The following ELL2 variants were observed in gnomAD, a reference collection of about 807,000 sequenced individuals.
The protein encoded by ELL2 is elongation factor for RNA polymerase II 2.
ELL2 carries 21 observed loss-of-function variants against 72.8 expected under a neutral mutation model. That is an observed-to-expected ratio of 0.29 (90% CI 0.20 to 0.42). The LOEUF (loss-of-function observed/expected upper bound fraction) is 0.42, where lower values mean the gene tolerates loss of function less well. ELL2 is among the 10% of genes least tolerant of loss of function. The pLI, the probability that ELL2 is intolerant of heterozygous loss-of-function variation, is 1.00. For missense variants in ELL2, 568 were observed against 772.8 expected (o/e 0.73, Z 3.14); for synonymous variants, 266 against 283.2 (o/e 0.94, Z 0.61).
chr5:95,895,516 A>T (rs950169695), intron 9 of ELL2, 112 bp downstream of exon 9: 3 of 954,470 alleles, frequency 3.1e-6, no homozygotes, highest in Non-Finnish European at 4.9e-6. Context: ...GGGTGGCTCC[A>T]GGACTCTATT....
At chr5:95,937,497 C>A (rs1750819953) in intron 2 of ELL2, among the ~76,000 whole-genome samples, 1 of 137,372 alleles carries the variant, frequency 7.3e-6, no homozygotes, top group Non-Finnish European at 1.5e-5. Flanking sequence ...GAGCAAGACT[C>A]CGTCTCAAAA....
chr5:95,920,001 T>A (rs886774541), intron 2 of ELL2, among the ~76,000 whole-genome samples: 15 of 152,016 alleles, frequency 9.9e-5, no homozygotes, highest in African/African-American at 2.2e-4. Flanking sequence ...TTGGCTCTTA[T>A]AATAAAAAAA....
intron 4 of ELL2, among the ~76,000 whole-genome samples, chr5:95,911,928 C>T (rs1306194779): frequency 2.6e-5 from 4 of 152,216 alleles, no homozygotes; most frequent in South Asian, 4.1e-4. Flanking sequence ...TGGCCGAGAT[C>T]GATGCAAGCC....
At chr5:95,918,349 T>C (rs1749910844) in intron 3 of ELL2, among the ~76,000 whole-genome samples, 2 of 152,260 alleles carry the variant, frequency 1.3e-5, no homozygotes, top group African/African-American at 4.8e-5. Context: ...GAAAAGTCTA[T>C]ATAATCTACA....
At chr5:95,918,877 C>CTTTT (rs10644804) in intron 3 of ELL2, among the ~76,000 whole-genome samples, 4 of 142,718 alleles carry the variant, frequency 2.8e-5, no homozygotes, top group African/African-American at 2.6e-5. Context: ...CTTCCTCCTC[C>CTTTT]TTTTTTTTTT....
chr5:95,891,107 T>C lies in ELL2; in HGVS notation c.1757A>G (p.Tyr586Cys). 5 of 1,614,180 alleles carry C rather than the reference T, an allele frequency of 3.1e-6. No individual in the cohort carries two copies. The highest frequency in any genetic ancestry group is 1.7e-6 in the Non-Finnish European group (2 of 1,180,030). ...RKRLSPGSKE[Y>C]QNVHEEVLQE... ...TCTAGTTACAAATCCATTTACCTGA[T>C]ACTCTTTTGAGCCTGGAGAAAGGCG... Residue 586 changes from tyrosine (Y) to cysteine (C), a missense_variant, in exon 10 of 12, where the codon TAT becomes TGT. Transcript: ENST00000237853.
At chr5:95,951,380 A>AAAATAAATAAATAAATAAAT (rs566594776) in intron 1 of ELL2, among the ~76,000 whole-genome samples, 61 of 151,436 alleles carry the variant, frequency 4.0e-4, no homozygotes, top group African/African-American at 1.4e-3. Flanking sequence ...AAAATAAAAT[A>AAAATAAATAAATAAATAAAT]AAATAAATAA....
chr5:95,936,949 A>AT (rs1750797883), intron 2 of ELL2, among the ~76,000 whole-genome samples: 1 of 152,096 alleles, frequency 6.6e-6, no homozygotes, highest in African/African-American at 2.4e-5. Context: ...CAAATGGGCT[A>AT]TTTTACCTTG....
chr5:95,898,882 G>T, intron 7 of ELL2, 72 bp from the exon 8 acceptor site: 1 of 1,150,420 alleles, frequency 8.7e-7, no homozygotes, highest in Non-Finnish European at 1.2e-6. Flanking sequence ...ATGCATGGCT[G>T]GTTAAACAAC....
chr5:95,891,322 T>C (rs769628436), intron 9 of ELL2, 48 bp from the exon 10 acceptor site: 20 of 1,548,414 alleles, frequency 1.3e-5, no homozygotes, highest in East Asian at 4.5e-5. Flanking sequence ...ATAAACATGA[T>C]TGCACAAGTC....
chr5:95,918,278 T>G (rs1580503559), intron 3 of ELL2, among the ~76,000 whole-genome samples: 1 of 152,250 alleles, frequency 6.6e-6, no homozygotes, highest in East Asian at 1.9e-4. Context: ...TTTATTTAAT[T>G]TTTTATCAGT....
chr5:95,919,193 T>C (rs1480719576), intron 3 of ELL2, among the ~76,000 whole-genome samples: 1 of 152,194 alleles, frequency 6.6e-6, no homozygotes, highest in Admixed American at 6.6e-5. Context: ...TTCTGTACCT[T>C]AAAAGCCCCA....
chr5:95,924,904 A>T (rs1750230869), intron 2 of ELL2, among the ~76,000 whole-genome samples: 1 of 152,230 alleles, frequency 6.6e-6, no homozygotes, highest in Non-Finnish European at 1.5e-5. Context: ...AGGTCATTTC[A>T]ACATCAAGTC....
At chr5:95,949,378 T>TAAAA in intron 1 of ELL2, among the ~76,000 whole-genome samples, 1 of 152,234 alleles carries the variant, frequency 6.6e-6, no homozygotes, top group East Asian at 1.9e-4. Flanking sequence ...TGGTTACCTT[T>TAAAA]CCCTTATCAA....
At chr5:95,942,733 T>C (rs1231408276) in intron 2 of ELL2, among the ~76,000 whole-genome samples, 1 of 152,328 alleles carries the variant, frequency 6.6e-6, no homozygotes, top group Middle Eastern at 3.4e-3. Flanking sequence ...TACGTTATAC[T>C]TCAATAAAAA....
At chr5:95,920,564 A>T (rs1750019656) in intron 2 of ELL2, among the ~76,000 whole-genome samples, 1 of 151,794 alleles carries the variant, frequency 6.6e-6, no homozygotes, top group Non-Finnish European at 1.5e-5. Flanking sequence ...TCCCTACTAG[A>T]TGAGAAGTCC....
At chr5:95,918,399 G>C (rs569069894) in intron 3 of ELL2, among the ~76,000 whole-genome samples, 1 of 152,250 alleles carries the variant, frequency 6.6e-6, no homozygotes, top group South Asian at 2.1e-4. Flanking sequence ...TTTGAAGGTG[G>C]GTAATTTTCA....
Position 95,891,695 on chromosome 5 carries a change from C to T in ELL2, c.1590-421G>A, listed in dbSNP as rs114960063. The stretch of plus-strand genomic sequence containing the variant: ...GAAACCAGGAGAATGTCACGCAGTC[C>T]GTGAGTGCTGAAAGTCAAAGCTCTC... On this transcript the variant is annotated intron_variant, in intron 9 of 11. Coordinates refer to ENST00000237853, the MANE Select transcript of ELL2 (RefSeq NM_012081.6). 2.5e-3 allele frequency among the ~76,000 whole-genome samples: 381 copies of T among 152,264 alleles called. 5 individuals are homozygous for T. The highest frequency in any genetic ancestry group is 3.2e-3 in the Non-Finnish European group (218 of 68,010).
rs1322651790 is a variant in ELL2, at chr5:95,898,249, A to G, written c.1516T>C (p.Ser506Pro). The G allele has an allele frequency of 9.4e-6, 15 of 1,600,024 alleles. No individual in the cohort carries two copies. Among genetic ancestry groups the G allele is most frequent in the Non-Finnish European group, 1.3e-5 (15 of 1,175,598 alleles). ...TCTAAAGGTAAAATACCTCCACTGG[A>G]ATTTGGACTGGAGTTATTTAGCTTG... is the stretch of plus-strand genomic sequence containing the variant. ...IAKLNNSSPNSSGGVKEDCTA... is the reference protein window; with the variant it reads ...IAKLNNSSPNPSGGVKEDCTA... Residue 506 changes from serine to proline, a missense_variant, in exon 8 of 12, where the codon TCC becomes CCC. Around this residue, in one of 2 missense-constraint regions of ELL2, gnomAD observed 511 missense variants for 728.4 expected, o/e 0.70. Coordinates refer to ENST00000237853, the MANE Select transcript of ELL2 (RefSeq NM_012081.6).
Sources: gnomAD v4.1 joint callset for allele counts (sites outside exome capture counted in the v4.1 genomes callset) on GRCh38, gnomAD v4.1.1 for gene constraint, gnomAD v4.1.1 regional missense constraint, MANE v1.5 for transcripts, NCBI Gene and HGNC (gene_info 2026-07-23, HGNC 2026-07-21) for gene names.